DNAH5: variants seen among roughly 807,000 people sequenced by gnomAD.
DNAH5 encodes the protein axonemal beta dynein heavy chain 5.
A neutral mutation model predicts 518.2 loss-of-function variants in DNAH5; 372 were observed. That is an observed-to-expected ratio of 0.72 (90% CI 0.66 to 0.78). The LOEUF (loss-of-function observed/expected upper bound fraction) is 0.78. DNAH5 is among the 30% of genes least tolerant of loss of function. The pLI, the probability that DNAH5 is intolerant of heterozygous loss-of-function variation, is 0.00. For missense variants in DNAH5, 5,523 were observed against 5,687.0 expected, an observed-to-expected ratio of 0.97 and a Z score of 0.93; for synonymous variants, 2,039 against 2,025.9, an observed-to-expected ratio of 1.01 and a Z score of -0.17.
intron 11 of DNAH5, among the ~76,000 whole-genome samples, chr5:13,912,636 T>A (rs577694815): frequency 6.6e-6 from 1 of 151,616 alleles, no homozygotes; most frequent in South Asian, 2.1e-4. Flanking sequence ...CTTTTAGACA[T>A]TTTATGTAAC....
At chr5:13,906,444 AT>A (rs1461545115) in intron 12 of DNAH5, among the ~76,000 whole-genome samples, 3 of 152,198 alleles carry the variant, frequency 2.0e-5, no homozygotes, top group African/African-American at 7.2e-5. Context: ...TTTTTAAAAA[AT>A]ATTTAATGAG....
chr5:13,966,902 C>T (rs1237941410), intron 1 of DNAH5, among the ~76,000 whole-genome samples: 1 of 152,160 alleles, frequency 6.6e-6, no homozygotes, highest in African/African-American at 2.4e-5. Context: ...TGCTCTGTCG[C>T]CCAGGCTGGA....
intron 47 of DNAH5, among the ~76,000 whole-genome samples, chr5:13,801,029 C>T (rs1758669810): frequency 6.6e-6 from 1 of 152,128 alleles, no homozygotes; most frequent in Non-Finnish European, 1.5e-5. Flanking sequence ...TACAAGAAAC[C>T]TGGAGTCATC....
chr5:13,781,190 G>A (rs1755078052), intron 52 of DNAH5, among the ~76,000 whole-genome samples: 1 of 152,070 alleles, frequency 6.6e-6, no homozygotes, highest in Admixed American at 6.5e-5. Context: ...GAAGTAGGAG[G>A]ACACCAGGGC....
intron 66 of DNAH5, 141 bp downstream of exon 66, chr5:13,737,111 A>C (rs1747599585): frequency 6.5e-6 from 9 of 1,393,044 alleles, no homozygotes; most frequent in Non-Finnish European, 8.0e-6. Flanking sequence ...TTTACGGAAT[A>C]TTTCCCAACA....
At chr5:13,873,612 G>C (rs1477211104) in intron 22 of DNAH5, among the ~76,000 whole-genome samples, 3 of 151,876 alleles carry the variant, frequency 2.0e-5, no homozygotes, top group Non-Finnish European at 2.9e-5. Context: ...GCAGACAATT[G>C]TATCATCTAC....
chr5:13,801,359 C>T (rs996631234), intron 47 of DNAH5, among the ~76,000 whole-genome samples: 13 of 152,192 alleles, frequency 8.5e-5, no homozygotes, highest in African/African-American at 3.1e-4. Context: ...CTGAGGCCTC[C>T]CCAGCCACGT....
intron 23 of DNAH5, 106 bp from the exon 24 acceptor site, chr5:13,871,108 C>A: frequency 1.3e-6 from 1 of 766,220 alleles, no homozygotes; most frequent in South Asian, 1.9e-5. Context: ...GCTTATTGCC[C>A]TCTAACCCAC....
At position 13,867,978 on chromosome 5, in the gene DNAH5, C is replaced by G; in HGVS notation, c.3849G>C (p.Leu1283=). ...CTATCAGAAGTCCATATCTGTTAAG[C>G]AGGGCATAAGATTCCTAAAAAAAAA... ...QVGPIEESYA[L]LNRYGLLIAR... Residue 1283 remains leucine (L), a synonymous_variant, in exon 25 of 79, where the codon CTG becomes CTC. Coordinates refer to ENST00000265104, the MANE Select transcript of DNAH5 (RefSeq NM_001369.3). 6.2e-7 allele frequency: 1 copy of G among 1,609,728 alleles called. No homozygotes were observed. Among genetic ancestry groups the G allele is most frequent in the Non-Finnish European group, 8.5e-7 (1 of 1,178,490 alleles).
intron 55 of DNAH5, among the ~76,000 whole-genome samples, chr5:13,772,491 C>T (rs1032411780): frequency 1.3e-5 from 2 of 152,298 alleles, no homozygotes; most frequent in Middle Eastern, 3.4e-3. Context: ...TAGAGTGACC[C>T]GTGCCTGCTG....
rs150793327 is a variant in DNAH5, at chr5:13,900,262, C to G, written c.2203G>C (p.Ala735Pro). 38 of 1,614,018 alleles carry G rather than the reference C, an allele frequency of 2.4e-5. No homozygotes were observed. In the African/African-American group the frequency reaches 2.8e-4, roughly 12 times the overall value. Residue 735 changes from alanine to proline, a missense_variant, in exon 15 of 79, where the codon GCA (alanine) becomes CCA (proline). Physicochemically the swap from Ala to Pro is conservative, Grantham distance 27 (BLOSUM62 -1). Coordinates refer to ENST00000265104, the MANE Select transcript of DNAH5 (RefSeq NM_001369.3). ...AQMGLEVSPL[A>P]TSLFQKRDRY... is the part of the protein sequence containing the mutation. ...TCTCGTTTCTGGAAGAGGGAAGTTG[C>G]CAGTGGAGAGACTTCCAGACCCATC...
intron 1 of DNAH5, among the ~76,000 whole-genome samples, chr5:13,986,180 C>T (rs339417): frequency 0.12 from 18,053 of 152,110 alleles, 1,878 homozygotes; most frequent in African/African-American, 0.28. Context: ...AAATGCATTG[C>T]GGCTCCAAGA....
At chr5:14,003,862 A>G (rs441550) in intron 1 of DNAH5, among the ~76,000 whole-genome samples, 109,696 of 152,122 alleles carry the variant, frequency 0.72, 39,725 homozygotes, top group South Asian at 0.81. Context: ...AAGACACCAC[A>G]TGGAGCTGTC....
intron 68 of DNAH5, among the ~76,000 whole-genome samples, chr5:13,733,971 C>T (rs1185971624): frequency 6.6e-6 from 1 of 152,048 alleles, no homozygotes; most frequent in Non-Finnish European, 1.5e-5. Flanking sequence ...ACCCTGGCAT[C>T]ATTTTCATAG....
At chr5:13,745,673 CA>C (rs1294200137) in intron 65 of DNAH5, among the ~76,000 whole-genome samples, 2 of 152,180 alleles carry the variant, frequency 1.3e-5, no homozygotes, top group African/African-American at 4.8e-5. Flanking sequence ...GACGAATCAA[CA>C]AACCTATGAA....
At position 13,714,621 on chromosome 5, in the gene DNAH5, C is replaced by T; in HGVS notation, c.12910-1G>A. 1 of 1,613,788 alleles carries T rather than the reference C, an allele frequency of 6.2e-7. No individual in the cohort carries two copies. Among genetic ancestry groups the T allele is most frequent in the Non-Finnish European group, 8.5e-7 (1 of 1,179,960 alleles). On this transcript the variant is annotated splice_acceptor_variant, in intron 74 of 78. Transcript: ENST00000265104. LOFTEE classifies it high-confidence loss of function. ...CAGGGCTGTCATAGGCAGGCAAACT[C>T]TGAACAACAGACACCCCAGATAAGC...
At position 13,792,072 on chromosome 5, in the gene DNAH5, A is replaced by G; in HGVS notation, c.8370T>C (p.Tyr2790=). 2 of 1,614,106 alleles carry G rather than the reference A, an allele frequency of 1.2e-6. No individual in the cohort carries two copies. Among genetic ancestry groups the G allele is most frequent in the Non-Finnish European group, 1.7e-6 (2 of 1,180,000 alleles). Residue 2790 remains tyrosine, a synonymous_variant, in exon 50 of 79, where the codon TAT becomes TAC. Transcript: ENST00000265104. ...GAGAAAGATCTCGTAGGTTAAACAC[A>G]TAATGGAATTTTGCAGGGGTAGGAA... ...KMLPTPAKFH[Y]VFNLRDLSRV...
rs76800367 is a variant in DNAH5, at chr5:13,837,002, T to G, written c.5882+2354A>C. On this transcript the variant is annotated intron_variant, in intron 35 of 78. Coordinates refer to ENST00000265104, the MANE Select transcript of DNAH5 (RefSeq NM_001369.3). ...AGGCTGGAACAGCCCTGAGCTGACCTAAGACAATGGGGACCTGGGTCCTTC... is the reference window on the plus strand; with the variant it reads ...AGGCTGGAACAGCCCTGAGCTGACCGAAGACAATGGGGACCTGGGTCCTTC... 9.1e-4 allele frequency among the ~76,000 whole-genome samples: 138 copies of G among 152,304 alleles called. 4 individuals are homozygous for G. The East Asian group carries it at 0.025, about 28-fold the overall frequency.
At chr5:13,721,697 G>A (rs1348161175) in intron 70 of DNAH5, among the ~76,000 whole-genome samples, 2 of 152,146 alleles carry the variant, frequency 1.3e-5, no homozygotes, top group African/African-American at 4.8e-5. Flanking sequence ...TTGGATATTT[G>A]TTGAATGAAT....
Sources: gnomAD v4.1 joint callset for allele counts (sites outside exome capture counted in the v4.1 genomes callset) on GRCh38, gnomAD v4.1.1 for gene constraint, MANE v1.5 for transcripts, NCBI Gene and HGNC (gene_info 2026-07-23, HGNC 2026-07-21) for gene names.